PLCXD3: variants seen among roughly 807,000 people sequenced by gnomAD.
The protein encoded by PLCXD3 is PI-PLC X domain-containing protein 3.
A neutral mutation model predicts 25.5 loss-of-function variants in PLCXD3; 19 were observed. That is an observed-to-expected ratio of 0.75 (90% CI 0.52 to 1.09). PLCXD3 has a LOEUF of 1.09. PLCXD3 is among the 50% of genes least tolerant of loss of function. PLCXD3 has a pLI of 0.00. For synonymous variants in PLCXD3, 174 were observed against 137.6 expected, an observed-to-expected ratio of 1.26 and a Z score of -1.85; for missense variants, 411 against 388.1, an observed-to-expected ratio of 1.06 and a Z score of -0.50.
chr5:41,447,612 A>G (rs1007299453), intron 1 of PLCXD3, among the ~76,000 whole-genome samples: 23 of 152,204 alleles, frequency 1.5e-4, no homozygotes, highest in African/African-American at 5.5e-4. Context: ...CTTCATCTAA[A>G]TCACATGTGT....
intron 1 of PLCXD3, among the ~76,000 whole-genome samples, chr5:41,500,145 T>C (rs1260478205): frequency 6.6e-6 from 1 of 151,956 alleles, no homozygotes; most frequent in Non-Finnish European, 1.5e-5. Flanking sequence ...CTATTCATAA[T>C]AGCAAAGATA....
chr5:41,479,498 G>A (rs1208501738), intron 1 of PLCXD3, among the ~76,000 whole-genome samples: 1 of 152,012 alleles, frequency 6.6e-6, no homozygotes, highest in Non-Finnish European at 1.5e-5. Flanking sequence ...TTTATGTTGT[G>A]TATATTTTAC....
chr5:41,362,533 A>T lies in PLCXD3; in HGVS notation c.812+19293T>A, dbSNP rs1744815120. ...CTATTATAGTCATGCAAAAAATATT[A>T]GTTCTAATTCCAATCTCTTCATTTT... On this transcript the variant is annotated intron_variant, in intron 2 of 2. Transcript: ENST00000377801. Among the ~76,000 whole-genome samples, 2 of 152,246 alleles carry T rather than the reference A, an allele frequency of 1.3e-5. 1 individual carries two copies. The highest frequency in any genetic ancestry group is 2.9e-5 in the Non-Finnish European group (2 of 68,036).
intron 1 of PLCXD3, among the ~76,000 whole-genome samples, chr5:41,481,102 TAAAAAAAAAAAA>T (rs554092157): frequency 2.7e-5 from 2 of 72,908 alleles, no homozygotes; most frequent in African/African-American, 1.1e-4. Flanking sequence ...ACCTAATTTG[TAAAAAAAAAAAA>T]AAAAAAAAAA....
intron 1 of PLCXD3, among the ~76,000 whole-genome samples, chr5:41,404,035 T>C (rs1423781390): frequency 6.6e-6 from 1 of 152,196 alleles, no homozygotes; most frequent in Non-Finnish European, 1.5e-5. Flanking sequence ...GGTATCAAAA[T>C]GCATTAACTT....
chr5:41,488,495 A>G (rs1748573383), intron 1 of PLCXD3, among the ~76,000 whole-genome samples: 2 of 125,618 alleles, frequency 1.6e-5, no homozygotes, highest in Non-Finnish European at 1.6e-5. Context: ...ATCCCTGAGG[A>G]ATCGCCACAC....
chr5:41,484,163 T>C (rs1439396654), intron 1 of PLCXD3, among the ~76,000 whole-genome samples: 1 of 152,088 alleles, frequency 6.6e-6, no homozygotes, highest in Admixed American at 6.6e-5. Context: ...GCTATATGTA[T>C]GATTTTCAAA....
intron 1 of PLCXD3, among the ~76,000 whole-genome samples, chr5:41,410,567 C>T (rs1177923269): frequency 1.3e-5 from 2 of 152,136 alleles, no homozygotes; most frequent in South Asian, 2.1e-4. Context: ...CAGATTCTTA[C>T]TATTACTGTA....
chr5:41,507,389 G>C (rs190149221), intron 1 of PLCXD3, among the ~76,000 whole-genome samples: 2 of 152,296 alleles, frequency 1.3e-5, no homozygotes, highest in Admixed American at 6.5e-5. Flanking sequence ...TGTTCTGGCT[G>C]TGTCATTTCT....
At chr5:41,416,970 GAA>G (rs1746708161) in intron 1 of PLCXD3, among the ~76,000 whole-genome samples, 1 of 152,138 alleles carries the variant, frequency 6.6e-6, no homozygotes, top group Admixed American at 6.6e-5. Flanking sequence ...TCATCAGACT[GAA>G]AACACTGGCA....
At chr5:41,501,853 G>A (rs1748958525) in intron 1 of PLCXD3, among the ~76,000 whole-genome samples, 1 of 152,032 alleles carries the variant, frequency 6.6e-6, no homozygotes, top group Non-Finnish European at 1.5e-5. Flanking sequence ...ACAGATCATT[G>A]GCTACCTTGA....
At chr5:41,431,223 T>A (rs147888782) in intron 1 of PLCXD3, among the ~76,000 whole-genome samples, 1 of 152,202 alleles carries the variant, frequency 6.6e-6, no homozygotes, top group African/African-American at 2.4e-5. Context: ...CGCTTAAAAT[T>A]TTGTTTAATT....
intron 1 of PLCXD3, among the ~76,000 whole-genome samples, chr5:41,497,639 A>AT (rs1748869906): frequency 6.6e-6 from 1 of 151,926 alleles, no homozygotes; most frequent in Non-Finnish European, 1.5e-5. Flanking sequence ...ACAGAAAATC[A>AT]TGAAGGAATT....
At chr5:41,397,776 C>T (rs7734535) in intron 1 of PLCXD3, among the ~76,000 whole-genome samples, 16,518 of 152,222 alleles carry the variant, frequency 0.11, 1,076 homozygotes, top group Admixed American at 0.17. Context: ...CCTTGGGAGC[C>T]CATCCTTTGC....
At chr5:41,336,227 A>C (rs887178975) in intron 2 of PLCXD3, among the ~76,000 whole-genome samples, 1 of 152,204 alleles carries the variant, frequency 6.6e-6, no homozygotes, top group Non-Finnish European at 1.5e-5. Context: ...ACAATACATT[A>C]TAGATAGGTG....
At chr5:41,404,051 T>A (rs1481373624) in intron 1 of PLCXD3, among the ~76,000 whole-genome samples, 1 of 152,150 alleles carries the variant, frequency 6.6e-6, no homozygotes, top group African/African-American at 2.4e-5. Flanking sequence ...AACTTCCAAG[T>A]TGGCTCTTCC....
rs981037438 is a variant in PLCXD3, at chr5:41,501,721, T to A, written c.103+8703A>T. 4.6e-5 allele frequency among the ~76,000 whole-genome samples: 7 copies of A among 151,914 alleles called. No individual in the cohort carries two copies. In the East Asian group the frequency reaches 1.2e-3, roughly 25 times the overall value. On this transcript the variant is annotated intron_variant, in intron 1 of 2. Transcript: ENST00000377801. ...ATAGTTTTTACCACAATAAAAAAAA[T>A]AAGGTGTGCTAAGAAGCCAAAGGAA...
In PLCXD3 at chr5:41,383,693, G is replaced by T. The variant is rs997984403; in HGVS notation, c.104-1159C>A. Among the ~76,000 whole-genome samples the T allele has an allele frequency of 1.1e-3, 165 of 151,852 alleles. 1 individual carries two copies. Among genetic ancestry groups the T allele is most frequent in the African/African-American group, 3.9e-3 (162 of 41,350 alleles). On this transcript the variant is annotated intron_variant, in intron 1 of 2. Transcript: ENST00000377801. Reference sequence around the variant, plus strand: ...CTCAGGCTTCCTCTGAGTGCACTTTGTTGCCCCATTCCTGATTTCCCTTCC... The same window carrying T: ...CTCAGGCTTCCTCTGAGTGCACTTTTTTGCCCCATTCCTGATTTCCCTTCC...
At chr5:41,346,862 A>T (rs921763735) in intron 2 of PLCXD3, among the ~76,000 whole-genome samples, 1 of 152,154 alleles carries the variant, frequency 6.6e-6, no homozygotes, top group Admixed American at 6.5e-5. Flanking sequence ...CATTGTATAG[A>T]TTTAACAGTT....
Sources: gnomAD v4.1 joint callset for allele counts (sites outside exome capture counted in the v4.1 genomes callset) on GRCh38, gnomAD v4.1.1 for gene constraint, MANE v1.5 for transcripts, NCBI Gene and HGNC (gene_info 2026-07-23, HGNC 2026-07-21) for gene names.